Variants in CD99 observed in about 807,000 individuals in gnomAD.
CD99 encodes CD99 molecule (Xg blood group), also known as CD99 antigen.
In CD99, 19 loss-of-function variants were observed where a neutral mutation model predicts 28.4. That is an observed-to-expected ratio of 0.67 (90% confidence interval 0.47 to 0.98). The LOEUF is 0.98. Ranked by LOEUF, CD99 falls within the 50% of genes least tolerant of loss-of-function variation. The pLI is 0.00. For synonymous variants in CD99, 103 were observed against 92.1 expected (o/e 1.12, Z -0.67); for missense variants, 283 against 248.8 (o/e 1.14, Z -0.92).
intron 3 of CD99, among the ~76,000 whole-genome samples, chrX:2,718,369 C>CTT (rs750689789): frequency 8.8e-5 from 12 of 136,920 alleles, no homozygotes; most frequent in South Asian, 7.1e-4. Flanking sequence ...TTCTTTCTTT[C>CTT]TTTTTTTTTT....
intron 1 of CD99, among the ~76,000 whole-genome samples, chrX:2,703,485 C>T (rs1351527372): frequency 2.6e-5 from 4 of 152,084 alleles, no homozygotes; most frequent in Non-Finnish European, 5.9e-5. Flanking sequence ...CCTCTGGGAA[C>T]GTAGTCCTGT....
intron 5 of CD99, among the ~76,000 whole-genome samples, chrX:2,720,883 C>T (rs2048963653): frequency 6.6e-6 from 1 of 152,118 alleles, no homozygotes; most frequent in Non-Finnish European, 1.5e-5. Flanking sequence ...CCTTGGCCTC[C>T]CAAAAGTGCT....
intron 5 of CD99, 75 bp downstream of exon 5, chrX:2,720,499 G>A: frequency 7.0e-7 from 1 of 1,418,696 alleles, no homozygotes; most frequent in Admixed American, 1.7e-5. Context: ...CTGAGAGGAG[G>A]TGATTTCAGA....
intron 1 of CD99, among the ~76,000 whole-genome samples, chrX:2,700,892 C>CCCACCCACCCATCCAT (rs1482079883): frequency 9.9e-5 from 15 of 150,950 alleles, no homozygotes; most frequent in Middle Eastern, 3.5e-3. Context: ...CACCTACTCA[C>CCCACCCACCCATCCAT]CCACCCACCC....
intron 1 of CD99, among the ~76,000 whole-genome samples, chrX:2,712,561 C>G (rs763534196): frequency 8.5e-5 from 13 of 152,204 alleles, no homozygotes; most frequent in African/African-American, 3.1e-4. Context: ...CCCTTGCTAC[C>G]GTCTAAAGAT....
intron 7 of CD99, among the ~76,000 whole-genome samples, chrX:2,724,671 A>C (rs1390502336): frequency 6.6e-6 from 1 of 151,520 alleles, no homozygotes; most frequent in Non-Finnish European, 1.5e-5. Context: ...TCGGGAGGCC[A>C]AGGTGGGTGG....
intron 1 of CD99, among the ~76,000 whole-genome samples, chrX:2,699,389 C>T (rs1161577064): frequency 1.3e-5 from 2 of 151,310 alleles, no homozygotes; most frequent in Admixed American, 6.6e-5. Context: ...AGGATGGTCT[C>T]GAACTCCTGA....
At chrX:2,705,294 G>A (rs1336672158) in intron 1 of CD99, among the ~76,000 whole-genome samples, 13 of 152,158 alleles carry the variant, frequency 8.5e-5, no homozygotes, top group Admixed American at 2.0e-4. Context: ...GCAGTCACTG[G>A]CACACATCCT....
intron 8 of CD99, among the ~76,000 whole-genome samples, chrX:2,726,931 A>G (rs1309466793): frequency 6.6e-6 from 1 of 152,068 alleles, no homozygotes; most frequent in Non-Finnish European, 1.5e-5. Flanking sequence ...TCAGGAGGAG[A>G]TCGAGACCAT....
At chrX:2,728,964 G>A (rs927849595) in intron 8 of CD99, among the ~76,000 whole-genome samples, 2 of 151,626 alleles carry the variant, frequency 1.3e-5, no homozygotes, top group Admixed American at 1.3e-4. Context: ...CGAAGTAACT[G>A]GAATTACAGG....
At chrX:2,727,461 G>T in intron 8 of CD99, 2 of 711,752 alleles carry the variant, frequency 2.8e-6, no homozygotes, top group South Asian at 3.0e-5. Flanking sequence ...GAATCCCATC[G>T]ACCGGGAACA....
chrX:2,713,162 A>G (rs2048514946), intron 1 of CD99, among the ~76,000 whole-genome samples: 1 of 151,818 alleles, frequency 6.6e-6, no homozygotes. Context: ...ACATGCACCT[A>G]CACACATGCA....
At chrX:2,709,898 C>G (rs2048321408) in intron 1 of CD99, among the ~76,000 whole-genome samples, 1 of 152,098 alleles carries the variant, frequency 6.6e-6, no homozygotes, top group African/African-American at 2.4e-5. Context: ...TTGGGGACAC[C>G]TGGGTGGGCA....
At chrX:2,707,392 T>C (rs2048174000) in intron 1 of CD99, among the ~76,000 whole-genome samples, 2 of 152,126 alleles carry the variant, frequency 1.3e-5, no homozygotes, top group South Asian at 4.2e-4. Context: ...GCTCTCCTCC[T>C]GCGTTTGCCC....
chrX:2,732,573 C>T (rs1406937831), intron 8 of CD99, among the ~76,000 whole-genome samples: 2 of 144,620 alleles, frequency 1.4e-5, no homozygotes, highest in African/African-American at 5.1e-5. Flanking sequence ...CTCTCTCTCT[C>T]TTTTCATTCT....
At chrX:2,730,175 C>CTT (rs58977521) in intron 8 of CD99, among the ~76,000 whole-genome samples, 30 of 139,656 alleles carry the variant, frequency 2.1e-4, no homozygotes, top group Non-Finnish European at 4.4e-4. Flanking sequence ...ATAAAAATAC[C>CTT]TTTTTTTTTT....
chrX:2,691,427 G>A lies in CD99; in HGVS notation c.67G>A (p.Asp23Asn). Reference sequence around the variant, plus strand: ...GCTGGGTGTTCTGGTCGCCGCCCCGGGTGAGCGAGCGGAGGGATCCGGGTT... The same window carrying A: ...GCTGGGTGTTCTGGTCGCCGCCCCGAGTGAGCGAGCGGAGGGATCCGGGTT... ...GLLGVLVAAPDGGFDLSDALP... is the reference protein window; with the variant it reads ...GLLGVLVAAPNGGFDLSDALP... Residue 23 changes from aspartate (D) to asparagine (N), a missense_variant and splice_region_variant, in exon 1 of 10, where the codon GAT becomes AAT. Physicochemically the swap from Asp to Asn is conservative, Grantham distance 23 (BLOSUM62 1). Coordinates refer to ENST00000381192, the MANE Select transcript of CD99 (RefSeq NM_002414.5). 2.5e-6 allele frequency: 4 copies of A among 1,583,116 alleles called. No individual in the cohort carries two copies. Among genetic ancestry groups the A allele is most frequent in the Non-Finnish European group, 3.4e-6 (4 of 1,173,670 alleles).
intron 1 of CD99, among the ~76,000 whole-genome samples, chrX:2,700,351 A>G (rs1169607261): frequency 6.6e-6 from 1 of 152,022 alleles, no homozygotes; most frequent in Non-Finnish European, 1.5e-5. Flanking sequence ...GTGTCCTTCC[A>G]TCCATTTATC....
At chrX:2,707,312 A>G (rs920856840) in intron 1 of CD99, among the ~76,000 whole-genome samples, 1 of 147,752 alleles carries the variant, frequency 6.8e-6, no homozygotes, top group Non-Finnish European at 1.5e-5. Flanking sequence ...CCTGGGCAAC[A>G]GAGCAAAACT....
Sources: gnomAD v4.1 joint callset for allele counts (sites outside exome capture counted in the v4.1 genomes callset) on GRCh38, gnomAD v4.1.1 for gene constraint, MANE v1.5 for transcripts, NCBI Gene and HGNC (gene_info 2026-07-23, HGNC 2026-07-21) for gene names.